Variants in PHF10 observed in about 807,000 individuals in gnomAD.
The protein encoded by PHF10 is BRG1-associated factor 45a.
Under a neutral mutation model 68.5 loss-of-function variants are expected in PHF10, and 51 were observed. That is an observed-to-expected ratio of 0.74 (90% CI 0.59 to 0.94). The LOEUF is 0.94. Among genes scored for constraint, PHF10 ranks in the 40% least tolerant of loss-of-function variants. The pLI, the probability that PHF10 is intolerant of heterozygous loss-of-function variation, is 0.00. For missense variants in PHF10, 460 were observed against 602.6 expected (o/e 0.76, Z 2.48); for synonymous variants, 204 against 203.5 (o/e 1.00, Z -0.02).
chr6:169,716,576 T>C (rs1789052779), intron 4 of PHF10, among the ~76,000 whole-genome samples: 1 of 151,902 alleles, frequency 6.6e-6, no homozygotes, highest in Admixed American at 6.6e-5. Context: ...CAGTATCAGA[T>C]TTCACCAATT....
chr6:169,724,282 C>T lies in PHF10; in HGVS notation c.-351G>A, dbSNP rs1317400961. On this transcript the variant is annotated 5_prime_UTR_variant, in exon 1 of 12. Transcript: ENST00000339209. ...GGCCACCGCCTCAGCACCGTTGCCCCCCACAGCTCCGCCGCTGGCCTCAGC... is the reference window on the plus strand; with the variant it reads ...GGCCACCGCCTCAGCACCGTTGCCCTCCACAGCTCCGCCGCTGGCCTCAGC... Among the ~76,000 whole-genome samples, 1 of 146,402 alleles carries T rather than the reference C, an allele frequency of 6.8e-6. No homozygotes were observed. Among genetic ancestry groups the T allele is most frequent in the Non-Finnish European group, 1.5e-5 (1 of 65,788 alleles).
intron 9 of PHF10, chr6:169,708,470 G>C (rs953647777): frequency 2.0e-5 from 3 of 151,702 alleles, no homozygotes; most frequent in African/African-American, 7.3e-5. Context: ...GGCACATCTT[G>C]GTTTATTAAT....
chr6:169,711,029 A>G (rs1243152837), intron 8 of PHF10, among the ~76,000 whole-genome samples: 2 of 152,170 alleles, frequency 1.3e-5, no homozygotes, highest in Non-Finnish European at 2.9e-5. Flanking sequence ...TTTCATATAA[A>G]TTACAAAAAT....
chr6:169,710,009 T>C, intron 9 of PHF10: 1 of 329,126 alleles, frequency 3.0e-6, no homozygotes. Context: ...AAAAGACTTA[T>C]AAATTGTACA....
intron 11 of PHF10, 157 bp from the exon 12 acceptor site, chr6:169,704,245 A>G: frequency 1.8e-6 from 1 of 557,748 alleles, no homozygotes; most frequent in Non-Finnish European, 3.1e-6. Flanking sequence ...TAAGGAAAAA[A>G]TGTAAACTTA....
chr6:169,718,735 T>C, intron 3 of PHF10, 53 bp downstream of exon 3: 1 of 1,009,898 alleles, frequency 9.9e-7, no homozygotes, highest in Non-Finnish European at 1.5e-6. Flanking sequence ...GTTGACAGTG[T>C]ATCATAAAGA....
At position 169,704,105 on chromosome 6, in the gene PHF10, TAATATA is replaced by T; in HGVS notation, c.1412-23_1412-18del. ...TCCAGCGACCTAGGAAAAAAATTGT[TAATATA>T]GAATGAAAAATTATCTTTACAGGAC... On this transcript the variant is annotated intron_variant, in intron 11 of 11. Coordinates refer to ENST00000339209, the MANE Select transcript of PHF10 (RefSeq NM_018288.4). 6.4e-7 allele frequency: 1 copy of T among 1,564,508 alleles called. No homozygotes were observed. The highest frequency in any genetic ancestry group is 8.6e-7 in the Non-Finnish European group (1 of 1,161,132).
rs559081855 is a variant in PHF10, at chr6:169,715,575, A to AAAAC, written c.693+129_693+132dup. ...CAGACTCTGCCACAAAAAACAAAAC[A>AAAAC]AAACAAACAAACAAACAAAAAAAAC... On this transcript the variant is annotated intron_variant, in intron 6 of 11. Transcript: ENST00000339209. 42 of 849,500 alleles carry AAAAC rather than the reference A, an allele frequency of 4.9e-5. No individual in the cohort carries two copies. In the African/African-American group the frequency reaches 5.8e-4, roughly 12 times the overall value. The allele number at this position is 849,500 out of a possible 1,614,324, so 52.6% of individuals were successfully genotyped here.
rs1332807607 is a variant in PHF10 at position 169,704,040 on chromosome 6, T to C, written c.1460A>G (p.Lys487Arg). The C allele has an allele frequency of 6.3e-7, 1 of 1,599,100 alleles. No individual in the cohort carries two copies. Among genetic ancestry groups the C allele is most frequent in the African/African-American group, 1.4e-5 (1 of 74,060 alleles). Residue 487 changes from lysine (K) to arginine (R), a missense_variant, in exon 12 of 12, where the codon AAA becomes AGA. Coordinates refer to ENST00000339209, the MANE Select transcript of PHF10 (RefSeq NM_018288.4). The stretch of plus-strand genomic sequence containing the variant: ...GCTGTTTTTCCCCCTTCTGCCCACT[T>C]TCCTGGGTGTTGGGGGGGCCCGCTG... ...CCQRAPPTPR[K>R]VGRRGKNSKE...
chr6:169,720,944 AG>A, intron 2 of PHF10, 60 bp downstream of exon 2: 1 of 813,656 alleles, frequency 1.2e-6, no homozygotes, highest in Non-Finnish European at 2.0e-6. Flanking sequence ...GAAAGGGAAG[AG>A]GATGTTAAGG....
Position 169,723,926 on chromosome 6 carries a change from C to T in PHF10, c.6G>A (p.Ala2=), listed in dbSNP as rs1789253215. The T allele has an allele frequency of 9.9e-7, 1 of 1,009,590 alleles. No homozygotes were observed. The highest frequency in any genetic ancestry group is 1.2e-6 in the Non-Finnish European group (1 of 839,334). The allele number at this position is 1,009,590 out of a possible 1,614,324, so 62.5% of individuals were successfully genotyped here. Residue 2 remains alanine, a synonymous_variant, in exon 1 of 12, where the codon GCG becomes GCA. Transcript: ENST00000339209. The part of the protein sequence containing the change: M[A]AAAGPGAALS... ...GCGCAGCCCCGGGCCCGGCCGCCGCCGCCATCAGCCCGAGCGCCCCGCGCC... is the reference window on the plus strand; with the variant it reads ...GCGCAGCCCCGGGCCCGGCCGCCGCTGCCATCAGCCCGAGCGCCCCGCGCC...
intron 7 of PHF10, 142 bp from the exon 8 acceptor site, chr6:169,712,681 T>C: frequency 3.3e-6 from 2 of 597,336 alleles, no homozygotes; most frequent in Non-Finnish European, 5.6e-6. Context: ...TTCATTTTTG[T>C]CATCAAGTAG....
At chr6:169,723,245 A>G (rs891181185) in intron 1 of PHF10, among the ~76,000 whole-genome samples, 20 of 152,176 alleles carry the variant, frequency 1.3e-4, no homozygotes, top group African/African-American at 4.8e-4. Flanking sequence ...CTTTAGAACC[A>G]AAACGTTTTG....
chr6:169,718,007 T>C, intron 3 of PHF10, 101 bp from the exon 4 acceptor site: 2 of 530,604 alleles, frequency 3.8e-6, no homozygotes, highest in South Asian at 3.1e-5. Flanking sequence ...AGTATTCATA[T>C]TACATATTCC....
At chr6:169,720,845 T>C (rs932729437) in intron 2 of PHF10, among the ~76,000 whole-genome samples, 160 bp downstream of exon 2, 6 of 152,194 alleles carry the variant, frequency 3.9e-5, no homozygotes, top group Non-Finnish European at 7.3e-5. Context: ...TTAATTACAC[T>C]CAGTAGCAAG....
intron 4 of PHF10, 112 bp from the exon 5 acceptor site, chr6:169,716,200 A>C (rs1488642174): frequency 7.2e-6 from 4 of 555,588 alleles, no homozygotes; most frequent in Non-Finnish European, 1.2e-5. Context: ...ATGGTTTTCC[A>C]ATAGCCAAAG....
chr6:169,716,864 A>G (rs1345305179), intron 4 of PHF10, among the ~76,000 whole-genome samples: 1 of 152,174 alleles, frequency 6.6e-6, no homozygotes, highest in East Asian at 1.9e-4. Context: ...GACCACACGC[A>G]CACACCATGC....
intron 4 of PHF10, among the ~76,000 whole-genome samples, chr6:169,717,144 C>G (rs966844297): frequency 6.6e-6 from 1 of 151,930 alleles, no homozygotes; most frequent in African/African-American, 2.4e-5. Flanking sequence ...ACCAGCTACT[C>G]GGTAGGCTGA....
At chr6:169,718,250 A>G (rs148393429) in intron 3 of PHF10, among the ~76,000 whole-genome samples, 10 of 152,360 alleles carry the variant, frequency 6.6e-5, no homozygotes, top group African/African-American at 2.4e-4. Flanking sequence ...AAACTTGACT[A>G]TAAAATGATT....
Sources: allele counts gnomAD v4.1 joint callset (sites outside exome capture counted in the v4.1 genomes callset), GRCh38; gene constraint gnomAD v4.1.1; transcripts MANE v1.5; gene names NCBI Gene and HGNC (gene_info 2026-07-23, HGNC 2026-07-21).